Variants in SPIN1 observed in about 807,000 individuals in gnomAD.
SPIN1 encodes the protein spindlin 1.
A neutral mutation model predicts 26.0 loss-of-function variants in SPIN1; 3 were observed. The ratio of observed to expected loss-of-function variants is 0.12; its 90% CI spans 0.05 to 0.30. The LOEUF (loss-of-function observed/expected upper bound fraction) is 0.30. SPIN1 is among the 10% of genes least tolerant of loss of function. SPIN1 has a pLI of 1.00. For missense variants in SPIN1, 126 were observed against 333.4 expected, an observed-to-expected ratio of 0.38 and a Z score of 4.84; for synonymous variants, 101 against 116.5, an observed-to-expected ratio of 0.87 and a Z score of 0.86.
intron 1 of SPIN1, among the ~76,000 whole-genome samples, chr9:88,404,834 T>C (rs1257945381): frequency 6.7e-6 from 1 of 150,120 alleles, no homozygotes; most frequent in Non-Finnish European, 1.5e-5. Flanking sequence ...GAGAATCGCT[T>C]GAACCCAGGA....
intron 1 of SPIN1, among the ~76,000 whole-genome samples, chr9:88,414,443 C>T (rs1827519836): frequency 6.6e-6 from 1 of 152,186 alleles, no homozygotes; most frequent in Non-Finnish European, 1.5e-5. Context: ...TAAAGGGCAC[C>T]AACTGGAGCT....
At chr9:88,389,365 C>T (rs1190704447) in intron 1 of SPIN1, 2 of 152,230 alleles carry the variant, frequency 1.3e-5, no homozygotes, top group Non-Finnish European at 2.9e-5. Flanking sequence ...GTTTGGCTTT[C>T]TCGAGCATTT....
intron 5 of SPIN1, among the ~76,000 whole-genome samples, chr9:88,469,667 GCCA>G (rs1224682563): frequency 4.6e-5 from 7 of 151,970 alleles, no homozygotes; most frequent in African/African-American, 1.7e-4. Context: ...GGCACCCACC[GCCA>G]CACCTGGTTA....
intron 2 of SPIN1, among the ~76,000 whole-genome samples, chr9:88,437,858 T>C (rs1231522706): frequency 6.6e-6 from 1 of 152,154 alleles, no homozygotes; most frequent in Non-Finnish European, 1.5e-5. Flanking sequence ...GCTTAGATTA[T>C]TGACTTTAGA....
intron 4 of SPIN1, among the ~76,000 whole-genome samples, chr9:88,465,009 T>G (rs573572303): frequency 6.6e-6 from 1 of 152,342 alleles, no homozygotes; most frequent in South Asian, 2.1e-4. Flanking sequence ...TCACACAGTA[T>G]TTGTTTTGTG....
intron 1 of SPIN1, among the ~76,000 whole-genome samples, chr9:88,394,929 C>G (rs1207215758): frequency 6.6e-6 from 1 of 151,460 alleles, no homozygotes; most frequent in Non-Finnish European, 1.5e-5. Context: ...CCTGCCTCAG[C>G]CTCCTGAGTA....
At chr9:88,434,156 C>A (rs75779597) in intron 2 of SPIN1, among the ~76,000 whole-genome samples, 2,941 of 152,096 alleles carry the variant, frequency 0.019, 72 homozygotes, top group African/African-American at 0.063. Context: ...GCATCTGAGT[C>A]TACACAAAGT....
chr9:88,388,903 CA>C (rs1826851750), intron 1 of SPIN1, among the ~76,000 whole-genome samples: 2 of 150,680 alleles, frequency 1.3e-5, no homozygotes, highest in South Asian at 4.2e-4. Context: ...GGCCGGCGGG[CA>C]GGGGGCGGCG....
At chr9:88,392,890 C>T (rs147772129) in intron 1 of SPIN1, among the ~76,000 whole-genome samples, 4 of 152,198 alleles carry the variant, frequency 2.6e-5, no homozygotes, top group African/African-American at 7.2e-5. Flanking sequence ...TGGGGGCCAC[C>T]TTTTAAATTC....
At position 88,461,681 on chromosome 9, in the gene SPIN1, A is replaced by AAAT. The variant is rs1378878588; in HGVS notation, c.102-815_102-814insAAT. 5.3e-5 allele frequency among the ~76,000 whole-genome samples: 8 copies of AAAT among 152,206 alleles called. No homozygotes were observed. The East Asian group carries it at 1.5e-3, about 29-fold the overall frequency. Reference sequence around the variant, plus strand: ...GGTCTTTTTGTTCTTGGCGTATATCAGCATCTGTTATCTTGGTTTTGACCT... The same window carrying AAAT: ...GGTCTTTTTGTTCTTGGCGTATATCAAATGCATCTGTTATCTTGGTTTTGACCT... On this transcript the variant is annotated intron_variant, in intron 3 of 5. Coordinates refer to ENST00000375859, the MANE Select transcript of SPIN1 (RefSeq NM_006717.3).
chr9:88,396,614 A>G (rs552297094), intron 1 of SPIN1, among the ~76,000 whole-genome samples: 2 of 152,268 alleles, frequency 1.3e-5, no homozygotes, highest in Non-Finnish European at 2.9e-5. Flanking sequence ...AAAACAAAAC[A>G]GAAAAACTCT....
chr9:88,418,399 T>G (rs1587785976), intron 1 of SPIN1, among the ~76,000 whole-genome samples: 2 of 152,330 alleles, frequency 1.3e-5, no homozygotes, highest in South Asian at 4.1e-4. Context: ...TTCTTTTTTG[T>G]TTAGGTCTTG....
chr9:88,422,685 A>T (rs1827692131), intron 1 of SPIN1, among the ~76,000 whole-genome samples: 1 of 151,810 alleles, frequency 6.6e-6, no homozygotes, highest in Non-Finnish European at 1.5e-5. Context: ...TTTAGATTAC[A>T]TCTCAACATG....
At position 88,438,883 on chromosome 9, in the gene SPIN1, C is replaced by G. The variant is rs533389641; in HGVS notation, c.53-10058C>G. ...CTTATTGGAGGACTAGAGCAGGGTGCATTTGTAACACAACAAGAAACCATG... is the reference window on the plus strand; with the variant it reads ...CTTATTGGAGGACTAGAGCAGGGTGGATTTGTAACACAACAAGAAACCATG... On this transcript the variant is annotated intron_variant, in intron 2 of 5. Transcript: ENST00000375859. 1.1e-4 allele frequency among the ~76,000 whole-genome samples: 17 copies of G among 152,224 alleles called. 1 individual carries two copies. In the East Asian group the frequency reaches 2.5e-3, roughly 22 times the overall value.
chr9:88,444,555 T>C (rs1328179396), intron 2 of SPIN1, among the ~76,000 whole-genome samples: 1 of 150,912 alleles, frequency 6.6e-6, no homozygotes, highest in Non-Finnish European at 1.5e-5. Context: ...CATTCTGTTT[T>C]TATAATATCT....
intron 2 of SPIN1, among the ~76,000 whole-genome samples, chr9:88,448,218 A>AT (rs1462409217): frequency 2.6e-5 from 4 of 151,666 alleles, no homozygotes; most frequent in African/African-American, 2.4e-5. Context: ...TAATTTTTGT[A>AT]TTTTTAGGAG....
At chr9:88,434,503 A>G (rs1357062673) in intron 2 of SPIN1, among the ~76,000 whole-genome samples, 1 of 151,994 alleles carries the variant, frequency 6.6e-6, no homozygotes, top group African/African-American at 2.4e-5. Flanking sequence ...TTTCCACTGG[A>G]AAGTCAGTGA....
At chr9:88,445,011 A>G (rs189207882) in intron 2 of SPIN1, among the ~76,000 whole-genome samples, 9 of 152,276 alleles carry the variant, frequency 5.9e-5, no homozygotes, top group Non-Finnish European at 1.2e-4. Context: ...TGAGTGATAA[A>G]TAGCAAGATT....
chr9:88,407,608 C>T (rs1006068519), intron 1 of SPIN1, among the ~76,000 whole-genome samples: 2 of 151,328 alleles, frequency 1.3e-5, no homozygotes, highest in East Asian at 2.0e-4. Flanking sequence ...CTCAAGAGTT[C>T]GAGACCAGCC....
Sources: allele counts gnomAD v4.1 joint callset (sites outside exome capture counted in the v4.1 genomes callset), GRCh38; gene constraint gnomAD v4.1.1; transcripts MANE v1.5; gene names NCBI Gene and HGNC (gene_info 2026-07-23, HGNC 2026-07-21).